IL1F10: variants seen among roughly 807,000 people sequenced by gnomAD.
The protein encoded by IL1F10 is interleukin 1 family member 10.
Under a neutral mutation model 13.1 loss-of-function variants are expected in IL1F10, and 13 were observed. The ratio of observed to expected loss-of-function variants is 0.99; its 90% CI spans 0.64 to 1.57. IL1F10 has a LOEUF of 1.57. IL1F10 is among the 40% of genes most tolerant of loss of function. The pLI is 0.00. For synonymous variants in IL1F10, 78 were observed against 68.2 expected, an observed-to-expected ratio of 1.14 and a Z score of -0.71; for missense variants, 191 against 184.1, an observed-to-expected ratio of 1.04 and a Z score of -0.22.
intron 1 of IL1F10, among the ~76,000 whole-genome samples, chr2:113,068,869 G>A (rs1685787634): frequency 6.6e-6 from 1 of 152,120 alleles, no homozygotes; most frequent in African/African-American, 2.4e-5. Context: ...TAAACTCTGA[G>A]TCATGGAATT....
At chr2:113,073,398 C>T (rs1271839140) in intron 2 of IL1F10, among the ~76,000 whole-genome samples, 1 of 152,164 alleles carries the variant, frequency 6.6e-6, no homozygotes, top group Non-Finnish European at 1.5e-5. Flanking sequence ...AGGGCTGTGT[C>T]CTGGACAAGG....
In IL1F10 at chr2:113,075,264, G is replaced by T. The variant is rs1261382189; in HGVS notation, c.359G>T (p.Trp120Leu). 2 of 1,613,170 alleles carry T rather than the reference G, an allele frequency of 1.2e-6. No individual in the cohort carries two copies. Among genetic ancestry groups the T allele is most frequent in the Middle Eastern group, 1.7e-4 (1 of 6,058 alleles). The change falls in exon 5 of 5, where the codon TGG becomes TTG. Residue 120 changes from tryptophan (W) to leucine (L), a missense_variant. Physicochemically the swap from Trp to Leu is moderately conservative, Grantham distance 61. Transcript: ENST00000341010. ...CTTGAGGCTGCTGCCTGGCCTGGCT[G>T]GTTCCTGTGTGGCCCGGCAGAGCCC... ...FRLEAAAWPGWFLCGPAEPQQ... is the reference protein window; with the variant it reads ...FRLEAAAWPGLFLCGPAEPQQ...
Position 113,074,392 on chromosome 2 carries a change from T to C in IL1F10, c.96T>C (p.Pro32=), listed in dbSNP as rs1034843422. The change falls in exon 3 of 5, where the codon CCT becomes CCC. Residue 32 remains proline (P), a synonymous_variant. Transcript: ENST00000341010. ...ATGGCCAGCTGCTGGTGGGAGATCC[T>C]GTTGCAGACAACTGCTGTGCAGGTG... ...TRDGQLLVGD[P]VADNCCAEKI... 4 of 1,613,724 alleles carry C rather than the reference T, an allele frequency of 2.5e-6. No homozygotes were observed. The highest frequency in any genetic ancestry group is 1.3e-5 in the African/African-American group (1 of 74,932).
chr2:113,071,063 A>T (rs1268246430), intron 1 of IL1F10, among the ~76,000 whole-genome samples: 1 of 152,270 alleles, frequency 6.6e-6, no homozygotes, highest in Non-Finnish European at 1.5e-5. Context: ...CATGTTCATT[A>T]TAGGAAAATG....
chr2:113,074,574 G>C, intron 3 of IL1F10, 149 bp from the exon 4 acceptor site: 1 of 1,148,664 alleles, frequency 8.7e-7, no homozygotes, highest in Non-Finnish European at 1.3e-6. Flanking sequence ...CATGACTCCT[G>C]CAGAAGTCCT....
At position 113,075,504 on chromosome 2, in the gene IL1F10, C is replaced by A; in HGVS notation, c.*140C>A. On this transcript the variant is annotated 3_prime_UTR_variant, in exon 5 of 5. Coordinates refer to ENST00000341010, the MANE Select transcript of IL1F10 (RefSeq NM_173161.3). ...TCTGTGCATATGTTACCATACATGT[C>A]CAAAGAGGTTTTGCAAATGTGATTA... 1.8e-6 allele frequency: 1 copy of A among 547,194 alleles called. No individual in the cohort carries two copies. The highest frequency in any genetic ancestry group is 3.1e-6 in the Non-Finnish European group (1 of 327,814). The allele number at this position is 547,194 out of a possible 1,614,324, so 33.9% of individuals were successfully genotyped here. A position where few individuals can be genotyped will look rare whatever the true frequency, so the allele number is the denominator to read the frequency against.
In IL1F10 at chr2:113,074,722, G is replaced by T. The variant is rs758345980; in HGVS notation, c.119-1G>T. ...TGACTCTTCTCTCTCTTCCCTCCTA[G>T]AGAAGATCTGCATACTTCCTAACAG... is the stretch of plus-strand genomic sequence containing the variant. On this transcript the variant is annotated splice_acceptor_variant, in intron 3 of 4. Coordinates refer to ENST00000341010, the MANE Select transcript of IL1F10 (RefSeq NM_173161.3). LOFTEE classifies it high-confidence loss of function. 3.7e-6 allele frequency: 6 copies of T among 1,613,538 alleles called. No homozygotes were observed. The highest frequency in any genetic ancestry group is 1.7e-5 in the Admixed American group (1 of 60,030).
chr2:113,074,893 C>A, intron 4 of IL1F10, 43 bp downstream of exon 4: 1 of 1,596,432 alleles, frequency 6.3e-7, no homozygotes, highest in Non-Finnish European at 8.5e-7. Context: ...GCAGACCTGG[C>A]CTGACCCCTG....
At chr2:113,073,430 C>T (rs995777864) in intron 2 of IL1F10, among the ~76,000 whole-genome samples, 2 of 152,106 alleles carry the variant, frequency 1.3e-5, no homozygotes, top group Admixed American at 1.3e-4. Flanking sequence ...CAGTCCTGGT[C>T]TCAAGGAGGT....
chr2:113,071,576 C>T (rs1685835527), intron 1 of IL1F10, among the ~76,000 whole-genome samples: 1 of 152,158 alleles, frequency 6.6e-6, no homozygotes, highest in Non-Finnish European at 1.5e-5. Context: ...GGCCTGGGGA[C>T]AGAAAATGAC....
At chr2:113,072,920 A>G in intron 2 of IL1F10, 150 bp downstream of exon 2, 1 of 663,570 alleles carries the variant, frequency 1.5e-6, no homozygotes, top group Non-Finnish European at 2.7e-6. Flanking sequence ...CAGTAGCAAC[A>G]GCTCTTTCCT....
At chr2:113,073,418 A>G (rs1685873853) in intron 2 of IL1F10, among the ~76,000 whole-genome samples, 1 of 152,080 alleles carries the variant, frequency 6.6e-6, no homozygotes, top group Non-Finnish European at 1.5e-5. Flanking sequence ...GTGGGTGGGG[A>G]GCAGTCCTGG....
chr2:113,075,197 C>T lies in IL1F10; in HGVS notation c.292C>T (p.Arg98Cys), dbSNP rs138974369. The T allele has an allele frequency of 2.6e-3, 4,180 of 1,613,600 alleles. 15 individuals carry two copies. The highest frequency in any genetic ancestry group is 0.015 in the Middle Eastern group (89 of 6,060). ...ELYKGGEEAT[R>C]FTFFQSSSGS... ...GTACAAAGGTGGTGAAGAGGCCACA[C>T]GCTTCACCTTCTTCCAGAGCAGCTC... The change falls in exon 5 of 5, where the codon CGC (arginine) becomes TGC (cysteine). Residue 98 changes from arginine (R) to cysteine (C), a missense_variant. Arg to Cys is a radical substitution (Grantham distance 180). Coordinates refer to ENST00000341010, the MANE Select transcript of IL1F10 (RefSeq NM_173161.3).
intron 1 of IL1F10, among the ~76,000 whole-genome samples, chr2:113,070,751 C>T (rs755204223): frequency 3.3e-5 from 5 of 152,186 alleles, no homozygotes; most frequent in Non-Finnish European, 7.3e-5. Flanking sequence ...AATGTACAGT[C>T]TCAGGCCCCA....
At chr2:113,069,995 G>GGT (rs1685802200) in intron 1 of IL1F10, among the ~76,000 whole-genome samples, 1 of 152,182 alleles carries the variant, frequency 6.6e-6, no homozygotes. Flanking sequence ...GATAGGACAG[G>GGT]GTGCTGTGCA....
intron 1 of IL1F10, among the ~76,000 whole-genome samples, chr2:113,071,614 G>A (rs970588343): frequency 8.5e-5 from 13 of 152,258 alleles, no homozygotes; most frequent in Non-Finnish European, 1.5e-4. Context: ...GACAGACCCA[G>A]TACTAAAAGC....
chr2:113,073,690 A>T (rs1411839478), intron 2 of IL1F10, among the ~76,000 whole-genome samples: 2 of 152,136 alleles, frequency 1.3e-5, no homozygotes, highest in African/African-American at 4.8e-5. Context: ...AGCTAAGGGT[A>T]TTATCGTTAG....
intron 3 of IL1F10, 144 bp from the exon 4 acceptor site, chr2:113,074,579 A>G: frequency 8.6e-7 from 1 of 1,161,296 alleles, no homozygotes; most frequent in Non-Finnish European, 1.3e-6. Flanking sequence ...CTCCTGCAGA[A>G]GTCCTGGCTC....
In IL1F10 at chr2:113,074,756, C is replaced by A. The variant is rs6743376; in HGVS notation, c.152C>A (p.Ala51Asp). The A allele has an allele frequency of 0.67, 1,077,851 of 1,611,940 alleles. 362,567 individuals are homozygous for A. The highest frequency in any genetic ancestry group is 0.82 in the Middle Eastern group (4,947 of 6,034). ...KICILPNRGL[A>D]RTKVPIFLGI... Reference sequence around the variant, plus strand: ...TGCATACTTCCTAACAGAGGCTTGGCCCGCACCAAGGTCCCCATTTTCCTG... The same window carrying A: ...TGCATACTTCCTAACAGAGGCTTGGACCGCACCAAGGTCCCCATTTTCCTG... Residue 51 changes from alanine to aspartate, a missense_variant, in exon 4 of 5, where the codon GCC becomes GAC. Transcript: ENST00000341010.
Sources: allele counts gnomAD v4.1 joint callset (sites outside exome capture counted in the v4.1 genomes callset), GRCh38; gene constraint gnomAD v4.1.1; transcripts MANE v1.5; gene names NCBI Gene and HGNC (gene_info 2026-07-23, HGNC 2026-07-21).